Variants in CHODL observed in about 807,000 individuals in gnomAD.
CHODL encodes the protein chondrolectin, also known as transmembrane protein MT75.
A neutral mutation model predicts 34.5 loss-of-function variants in CHODL; 29 were observed. The observed-to-expected ratio is 0.84, with a 90% CI of 0.63 to 1.15. The LOEUF (loss-of-function observed/expected upper bound fraction) is 1.15. Ranked by LOEUF, CHODL falls within the 50% of genes most tolerant of loss-of-function variation. The probability of loss-of-function intolerance (pLI) is 0.00; values close to 1 mark genes in which losing one functional copy is unlikely to be tolerated. For missense variants in CHODL, 332 were observed against 332.5 expected (o/e 1.00, Z 0.01); for synonymous variants, 125 against 116.1 (o/e 1.08, Z -0.49).
At chr21:18,079,353 T>C (rs1004083043) in intron 2 of CHODL, among the ~76,000 whole-genome samples, 3 of 149,878 alleles carry the variant, frequency 2.0e-5, no homozygotes, top group African/African-American at 7.3e-5. Context: ...ATATATACCA[T>C]AGAATATTAT....
chr21:18,161,113 A>G (rs1193264549), intron 2 of CHODL, among the ~76,000 whole-genome samples: 1 of 150,678 alleles, frequency 6.6e-6, no homozygotes, highest in Non-Finnish European at 1.5e-5. Context: ...TGTTGGCTGC[A>G]TGTATGTTTT....
intron 2 of CHODL, among the ~76,000 whole-genome samples, chr21:18,039,597 A>G (rs2064350994): frequency 1.3e-5 from 2 of 151,682 alleles, no homozygotes; most frequent in Non-Finnish European, 3.0e-5. Context: ...TTCATTCGAC[A>G]TCTAAGGAAC....
At chr21:18,119,518 G>A (rs1362816124) in intron 2 of CHODL, among the ~76,000 whole-genome samples, 1 of 152,066 alleles carries the variant, frequency 6.6e-6, no homozygotes, top group African/African-American at 2.4e-5. Context: ...GTGCCACAAA[G>A]GAAGAGGGTA....
intron 2 of CHODL, among the ~76,000 whole-genome samples, chr21:18,095,628 G>A (rs1420023603): frequency 6.6e-6 from 1 of 152,162 alleles, no homozygotes; most frequent in Non-Finnish European, 1.5e-5. Flanking sequence ...AATAGAGAAA[G>A]AGGGAGTATT....
chr21:18,235,396 G>T (rs1391210257), intron 2 of CHODL, among the ~76,000 whole-genome samples: 1 of 151,982 alleles, frequency 6.6e-6, no homozygotes, highest in East Asian at 1.9e-4. Flanking sequence ...TTAAAATACT[G>T]AATATATGAT....
chr21:18,064,032 T>C (rs190929296), intron 2 of CHODL, among the ~76,000 whole-genome samples: 36 of 152,324 alleles, frequency 2.4e-4, no homozygotes, highest in African/African-American at 8.2e-4. Flanking sequence ...TTCCTTGATA[T>C]TGTAGATAAA....
intron 2 of CHODL, among the ~76,000 whole-genome samples, chr21:18,125,812 A>G (rs983858996): frequency 6.6e-6 from 1 of 152,200 alleles, no homozygotes; most frequent in Non-Finnish European, 1.5e-5. Flanking sequence ...CAGCATAAAA[A>G]GAAAAACAGC....
chr21:18,143,893 A>T (rs1292196008), intron 2 of CHODL, among the ~76,000 whole-genome samples: 1 of 152,110 alleles, frequency 6.6e-6, no homozygotes, highest in Non-Finnish European at 1.5e-5. Flanking sequence ...TTTATTCAAT[A>T]TAATTGAATA....
chr21:18,169,478 C>A (rs1223254334), intron 2 of CHODL, among the ~76,000 whole-genome samples: 2 of 151,624 alleles, frequency 1.3e-5, no homozygotes, highest in East Asian at 1.9e-4. Context: ...TATGCCAAGA[C>A]CACAGTATCT....
chr21:18,006,322 A>G (rs1299072184), intron 1 of CHODL, among the ~76,000 whole-genome samples: 1 of 152,062 alleles, frequency 6.6e-6, no homozygotes, highest in Non-Finnish European at 1.5e-5. Flanking sequence ...TACCTATGTA[A>G]GAAACCTGCA....
rs147864581 is a variant in CHODL at position 18,090,816 on chromosome 21, A to T, written c.-45+62845A>T. On this transcript the variant is annotated intron_variant, in intron 2 of 6. Coordinates refer to the CHODL transcript ENST00000400127. ...ATGGCAGAGTAGAAGCCTACATTGT[A>T]TGTCTCCACTGATGGAACACCAAAT... Among the ~76,000 whole-genome samples the T allele has an allele frequency of 8.9e-3, 1,349 of 152,080 alleles. 22 individuals carry two copies. Among genetic ancestry groups the T allele is most frequent in the South Asian group, 0.049 (236 of 4,816 alleles).
intron 2 of CHODL, among the ~76,000 whole-genome samples, chr21:18,168,148 T>C (rs976520545): frequency 6.6e-6 from 1 of 152,222 alleles, no homozygotes. Flanking sequence ...CACCGCAAAC[T>C]GAAGGCTGCC....
intron 1 of CHODL, among the ~76,000 whole-genome samples, chr21:18,015,854 G>GTA (rs2064068072): frequency 6.6e-6 from 1 of 152,112 alleles, no homozygotes; most frequent in Non-Finnish European, 1.5e-5. Flanking sequence ...ATGATTTAGG[G>GTA]TATCTTGTGG....
At chr21:18,146,601 C>T (rs143208448) in intron 2 of CHODL, among the ~76,000 whole-genome samples, 13 of 152,274 alleles carry the variant, frequency 8.5e-5, no homozygotes, top group African/African-American at 2.4e-4. Context: ...CCTGAGGCCT[C>T]CCCAGCCATG....
At chr21:18,066,842 C>G (rs1267993824) in intron 2 of CHODL, among the ~76,000 whole-genome samples, 1 of 151,942 alleles carries the variant, frequency 6.6e-6, no homozygotes, top group Non-Finnish European at 1.5e-5. Flanking sequence ...AAATAGGTAC[C>G]AGGAAAGAAT....
At chr21:18,086,041 C>CTTTTTTTTTTTTTTT (rs3984977) in intron 2 of CHODL, among the ~76,000 whole-genome samples, 5 of 38,734 alleles carry the variant, frequency 1.3e-4, no homozygotes, top group Non-Finnish European at 2.5e-4. Flanking sequence ...AGACTTTGTT[C>CTTTTTTTTTTTTTTT]TTTTTTTTTT....
intron 1 of CHODL, among the ~76,000 whole-genome samples, chr21:18,251,044 T>G (rs1037496228): frequency 4.6e-5 from 7 of 151,414 alleles, no homozygotes; most frequent in African/African-American, 1.7e-4. Context: ...TATCAGAAAA[T>G]AAACAAATAT....
rs2064133622 is a variant in CHODL, at chr21:18,022,125, T to C, written c.-144-5747T>C. The stretch of plus-strand genomic sequence containing the variant: ...CTGCTGTAACAAATCATCACAAACT[T>C]GAGGGTGTTAAACAGCAGACACTTA... On this transcript the variant is annotated intron_variant, in intron 1 of 6. Coordinates refer to the CHODL transcript ENST00000400127. Among the ~76,000 whole-genome samples, 7 of 152,256 alleles carry C rather than the reference T, an allele frequency of 4.6e-5. No individual in the cohort carries two copies. The South Asian group carries it at 1.5e-3, about 32-fold the overall frequency.
intron 1 of CHODL, among the ~76,000 whole-genome samples, chr21:17,981,656 G>A (rs528560404): frequency 8.4e-4 from 128 of 152,318 alleles, no homozygotes; most frequent in African/African-American, 2.2e-3. Flanking sequence ...GAAAAAGCAT[G>A]TGTAATGGAT....
Sources: gnomAD v4.1 joint callset for allele counts (sites outside exome capture counted in the v4.1 genomes callset) on GRCh38, gnomAD v4.1.1 for gene constraint, MANE v1.5 for transcripts, NCBI Gene and HGNC (gene_info 2026-07-23, HGNC 2026-07-21) for gene names.